IL6ST: variants seen among roughly 807,000 people sequenced by gnomAD.
IL6ST encodes the protein interleukin-6 receptor subunit beta.
Under a neutral mutation model 91.3 loss-of-function variants are expected in IL6ST, and 24 were observed. That is an observed-to-expected ratio of 0.26 (90% CI 0.19 to 0.37). The LOEUF is 0.37. IL6ST is among the 10% of genes least tolerant of loss of function. IL6ST has a pLI of 1.00. For synonymous variants in IL6ST, 351 were observed against 373.6 expected, an observed-to-expected ratio of 0.94 and a Z score of 0.70; for missense variants, 914 against 1,078.5, an observed-to-expected ratio of 0.85 and a Z score of 2.14.
Position 55,939,432 on chromosome 5 carries a change from T to TAAAC in IL6ST, c.*1646_*1649dup, listed in dbSNP as rs201484800. The TAAAC allele has an allele frequency of 4.9e-6, 1 of 203,762 alleles. No homozygotes were observed. The highest frequency in any genetic ancestry group is 1.0e-5 in the Non-Finnish European group (1 of 99,432). 12.6% of individuals were successfully genotyped at this position (203,762 alleles called of 1,614,324 possible). On this transcript the variant is annotated 3_prime_UTR_variant, in exon 17 of 17. Transcript: ENST00000381298. Reference sequence around the variant, plus strand: ...TATATAAATGCAAGAATATAAAAGATAAACAGGAAGTCTAATGTGAACAAT... The same window carrying TAAAC: ...TATATAAATGCAAGAATATAAAAGATAAACAAACAGGAAGTCTAATGTGAACAAT...
chr5:55,992,394 T>C (rs1438668863), intron 1 of IL6ST, among the ~76,000 whole-genome samples: 1 of 152,200 alleles, frequency 6.6e-6, no homozygotes, highest in East Asian at 1.9e-4. Flanking sequence ...TGTCTATGTA[T>C]GACCTTTAGA....
intron 15 of IL6ST, among the ~76,000 whole-genome samples, chr5:55,946,934 C>T (rs181290475): frequency 1.6e-4 from 24 of 151,682 alleles, no homozygotes; most frequent in Middle Eastern, 3.4e-3. Flanking sequence ...AATTCTTGGC[C>T]GTGGCTCACA....
chr5:55,983,703 T>G (rs1296913411), intron 1 of IL6ST, among the ~76,000 whole-genome samples: 1 of 152,190 alleles, frequency 6.6e-6, no homozygotes, highest in East Asian at 1.9e-4. Context: ...AAAAATGCCA[T>G]GTGAAAGTGC....
At chr5:55,991,628 A>T (rs1754334666) in intron 1 of IL6ST, among the ~76,000 whole-genome samples, 1 of 146,362 alleles carries the variant, frequency 6.8e-6, no homozygotes, top group South Asian at 2.1e-4. Flanking sequence ...TCTCCTCAAC[A>T]GCTTTTTAAA....
At chr5:55,958,709 C>T (rs985255239) in intron 8 of IL6ST, among the ~76,000 whole-genome samples, 1 of 151,774 alleles carries the variant, frequency 6.6e-6, no homozygotes, top group Non-Finnish European at 1.5e-5. Flanking sequence ...CATGGTGACA[C>T]GTGCCTATAG....
At chr5:55,961,672 C>T (rs904929182) in intron 7 of IL6ST, among the ~76,000 whole-genome samples, 14 of 151,592 alleles carry the variant, frequency 9.2e-5, no homozygotes, top group African/African-American at 3.2e-4. Flanking sequence ...GCAGAAGAAT[C>T]GCTTGAACTA....
At position 55,982,424 on chromosome 5, in the gene IL6ST, C is replaced by CTT. The variant is rs1168772316; in HGVS notation, c.-16+298_-16+299dup. On this transcript the variant is annotated intron_variant, in intron 2 of 16. Coordinates refer to ENST00000381298, the MANE Select transcript of IL6ST (RefSeq NM_002184.4). Reference sequence around the variant, plus strand: ...CAAGATGAAGAAAATTTCTATATATCTTTCACAGTACAGTGTTACTGTGAA... The same window carrying CTT: ...CAAGATGAAGAAAATTTCTATATATCTTTTTCACAGTACAGTGTTACTGTGAA... 3.3e-5 allele frequency among the ~76,000 whole-genome samples: 5 copies of CTT among 152,224 alleles called. No individual in the cohort carries two copies. In the East Asian group the frequency reaches 9.6e-4, roughly 29 times the overall value.
intron 2 of IL6ST, among the ~76,000 whole-genome samples, chr5:55,979,360 G>C (rs1437559334): frequency 1.3e-5 from 2 of 152,144 alleles, no homozygotes; most frequent in Non-Finnish European, 1.5e-5. Context: ...TTGTGAGGAA[G>C]GGTATAAAAG....
intron 5 of IL6ST, among the ~76,000 whole-genome samples, chr5:55,967,081 G>A (rs1172023836): frequency 6.6e-6 from 1 of 151,806 alleles, no homozygotes; most frequent in Non-Finnish European, 1.5e-5. Context: ...GGAGGCAGAG[G>A]CAGCCAGATC....
At position 55,939,510 on chromosome 5, in the gene IL6ST, T is replaced by G. The variant is rs1750748912; in HGVS notation, c.*1572A>C. 4.9e-6 allele frequency: 1 copy of G among 205,078 alleles called. No homozygotes were observed. The highest frequency in any genetic ancestry group is 5.9e-5 in the Admixed American group (1 of 16,838). 12.7% of individuals were successfully genotyped at this position (205,078 alleles called of 1,614,324 possible). A position where few individuals can be genotyped will look rare whatever the true frequency, so the allele number is the denominator to read the frequency against. On this transcript the variant is annotated 3_prime_UTR_variant, in exon 17 of 17. Transcript: ENST00000381298. Reference sequence around the variant, plus strand: ...TTTCCATTGTAAATGTATACCAAGTTTTCTTAGCTTTCTATTCTCCAATAA... The same window carrying G: ...TTTCCATTGTAAATGTATACCAAGTGTTCTTAGCTTTCTATTCTCCAATAA...
Position 55,941,549 on chromosome 5 carries a change from G to T in IL6ST, c.2290C>A (p.His764Asn). 1 of 1,614,156 alleles carries T rather than the reference G, an allele frequency of 6.2e-7. No individual in the cohort carries two copies. The highest frequency in any genetic ancestry group is 8.5e-7 in the Non-Finnish European group (1 of 1,179,996). The change falls in exon 17 of 17, where the codon CAC becomes AAC. Residue 764 changes from histidine (H) to asparagine (N), a missense_variant. Coordinates refer to ENST00000381298, the MANE Select transcript of IL6ST (RefSeq NM_002184.4). ...GGAACTTGGTGTCTGTAGCCACTGT[G>T]TACCACGGTAGAATACTGGACAGTG... is the stretch of plus-strand genomic sequence containing the variant. The part of the protein sequence containing the change: ...SSTVQYSTVV[H>N]SGYRHQVPSV...
At chr5:55,964,056 A>G (rs1424777722) in intron 6 of IL6ST, 90 bp downstream of exon 6, 1 of 601,882 alleles carries the variant, frequency 1.7e-6, no homozygotes, top group African/African-American at 2.0e-5. Flanking sequence ...AATCTACATT[A>G]AAATCTTAAA....
intron 15 of IL6ST, among the ~76,000 whole-genome samples, chr5:55,944,287 C>T (rs1418002040): frequency 1.3e-5 from 2 of 152,126 alleles, no homozygotes; most frequent in African/African-American, 4.8e-5. Flanking sequence ...ACTATAATTA[C>T]TCCCAAGAAG....
Position 55,937,153 on chromosome 5 carries a change from C to CT in IL6ST, c.*3928dup, listed in dbSNP as rs1334297929. 4.7e-6 allele frequency: 1 copy of CT among 210,650 alleles called. No individual in the cohort carries two copies. Among genetic ancestry groups the CT allele is most frequent in the African/African-American group, 2.3e-5 (1 of 43,662 alleles). 13.0% of individuals were successfully genotyped at this position (210,650 alleles called of 1,614,324 possible). A position where few individuals can be genotyped will look rare whatever the true frequency, so the allele number is the denominator to read the frequency against. On this transcript the variant is annotated 3_prime_UTR_variant, in exon 17 of 17. Transcript: ENST00000381298. Reference sequence around the variant, plus strand: ...TAAAAGAACATCATTCAGACAAAGCCTGTGTTCAAGAAATAAAAAAAACAT... The same window carrying CT: ...TAAAAGAACATCATTCAGACAAAGCCTTGTGTTCAAGAAATAAAAAAAACAT...
intron 7 of IL6ST, among the ~76,000 whole-genome samples, chr5:55,961,223 C>A (rs1023387864): frequency 5.3e-5 from 8 of 152,228 alleles, no homozygotes; most frequent in Non-Finnish European, 1.2e-4. Context: ...TTCCACAGGG[C>A]CTGTAATATA....
intron 1 of IL6ST, among the ~76,000 whole-genome samples, chr5:55,987,832 T>G (rs946314704): frequency 1.3e-5 from 2 of 152,200 alleles, no homozygotes; most frequent in African/African-American, 4.8e-5. Flanking sequence ...CCACAGGTAC[T>G]ACTATAAGAA....
Position 55,941,388 on chromosome 5 carries a change from C to G in IL6ST, c.2451G>C (p.Gln817His), listed in dbSNP as rs1483316717. The change falls in exon 17 of 17, where the codon CAG becomes CAC. Residue 817 changes from glutamine (Q) to histidine (H), a missense_variant. Coordinates refer to ENST00000381298, the MANE Select transcript of IL6ST (RefSeq NM_002184.4). ...GILPRQQYFK[Q>H]NCSQHESSPD... ...GACTGGATTCATGCTGACTGCAGTT[C>G]TGTTTGAAGTACTGTTGCCTGGGCA... 1 of 1,614,070 alleles carries G rather than the reference C, an allele frequency of 6.2e-7. No individual in the cohort carries two copies. Among genetic ancestry groups the G allele is most frequent in the South Asian group, 1.1e-5 (1 of 91,082 alleles).
At chr5:55,980,639 C>T (rs1753604022) in intron 2 of IL6ST, among the ~76,000 whole-genome samples, 1 of 152,150 alleles carries the variant, frequency 6.6e-6, no homozygotes. Flanking sequence ...GTACTCCAAA[C>T]CTCAGCATCA....
rs1752250281 is a variant in IL6ST at position 55,960,564 on chromosome 5, G to A, written c.814-3C>T. On this transcript the variant is annotated splice_region_variant and splice_polypyrimidine_tract_variant and intron_variant, in intron 7 of 16. Transcript: ENST00000381298. ...GATGCTGTGTCTTCAGGAGGAATCT[G>A]AAACAAAGCAAACCAAACAACAGAA... 1 of 1,606,092 alleles carries A rather than the reference G, an allele frequency of 6.2e-7. No homozygotes were observed. The highest frequency in any genetic ancestry group is 8.5e-7 in the Non-Finnish European group (1 of 1,177,544).
Sources: allele counts gnomAD v4.1 joint callset (sites outside exome capture counted in the v4.1 genomes callset), GRCh38; gene constraint gnomAD v4.1.1; transcripts MANE v1.5; gene names NCBI Gene and HGNC (gene_info 2026-07-23, HGNC 2026-07-21).